CADPS2: variants seen among roughly 807,000 people sequenced by gnomAD.
The protein encoded by CADPS2 is calcium dependent secretion activator 2, also known as calcium-dependent secretion activator 2.
Under a neutral mutation model 172.5 loss-of-function variants are expected in CADPS2, and 93 were observed. That is an observed-to-expected ratio of 0.54 (90% CI 0.46 to 0.64). The LOEUF is 0.64. Ranked by LOEUF, CADPS2 falls within the 30% of genes least tolerant of loss-of-function variation. CADPS2 has a pLI of 0.00. For synonymous variants in CADPS2, 546 were observed against 555.2 expected, an observed-to-expected ratio of 0.98 and a Z score of 0.23; for missense variants, 1,420 against 1,565.9, an observed-to-expected ratio of 0.91 and a Z score of 1.57.
In CADPS2 at chr7:122,410,300, C is replaced by T. The variant is rs557700418; in HGVS notation, c.2590-2604G>A. On this transcript the variant is annotated intron_variant, in intron 19 of 29. Transcript: ENST00000449022. ...TGAAGGTTGCAGTAAGCCAAGATCG[C>T]GCCACTGCACTCCAGCCTGGGTGAC... Among the ~76,000 whole-genome samples, 8 of 151,896 alleles carry T rather than the reference C, an allele frequency of 5.3e-5. No individual in the cohort carries two copies. In the East Asian group the frequency reaches 1.4e-3, roughly 26 times the overall value.
intron 1 of CADPS2, among the ~76,000 whole-genome samples, chr7:122,824,075 T>C (rs1244352106): frequency 6.6e-6 from 1 of 152,230 alleles, no homozygotes; most frequent in Non-Finnish European, 1.5e-5. Flanking sequence ...AGTTAATGGC[T>C]TACTCTACAT....
chr7:122,373,938 A>G (rs529937051), intron 25 of CADPS2, among the ~76,000 whole-genome samples: 2 of 152,316 alleles, frequency 1.3e-5, no homozygotes, highest in African/African-American at 4.8e-5. Context: ...TACCAAAGCC[A>G]GACAAAAGAT....
intron 1 of CADPS2, among the ~76,000 whole-genome samples, chr7:122,752,200 CATT>C (rs2092980911): frequency 6.6e-6 from 1 of 152,140 alleles, no homozygotes; most frequent in South Asian, 2.1e-4. Context: ...CATTACCTAA[CATT>C]AGTTTCTTTC....
rs2092194956 is a variant in CADPS2, at chr7:122,736,943, CT to C, written c.453+11del. ...GCATCGGAAAGCCAAAAACAAAGCT[CT>C]TCAAACTTACCTCATAATAACTCCG... is the stretch of plus-strand genomic sequence containing the variant. On this transcript the variant is annotated intron_variant, in intron 2 of 29. Transcript: ENST00000449022. 2 of 1,454,398 alleles carry C rather than the reference CT, an allele frequency of 1.4e-6. No homozygotes were observed. Among genetic ancestry groups the C allele is most frequent in the Non-Finnish European group, 1.9e-6 (2 of 1,039,674 alleles). The allele number at this position is 1,454,398 out of a possible 1,614,324, so 90.1% of individuals were successfully genotyped here.
intron 11 of CADPS2, 74 bp from the exon 12 acceptor site, chr7:122,480,934 C>T: frequency 9.0e-7 from 1 of 1,112,008 alleles, no homozygotes; most frequent in South Asian, 2.1e-5. Flanking sequence ...TACAACTAGA[C>T]ATTTAATTTT....
chr7:122,577,927 G>A (rs1460031009), intron 7 of CADPS2, among the ~76,000 whole-genome samples: 5 of 151,578 alleles, frequency 3.3e-5, no homozygotes, highest in African/African-American at 7.3e-5. Flanking sequence ...AATGCTACCC[G>A]AATTTTTAAT....
At chr7:122,424,844 G>C in intron 17 of CADPS2, among the ~76,000 whole-genome samples, 1 of 151,520 alleles carries the variant, frequency 6.6e-6, no homozygotes, top group East Asian at 1.9e-4. Context: ...GAAGGCTTGA[G>C]GGAGAAGAAA....
chr7:122,719,996 A>T (rs1392304341), intron 2 of CADPS2, among the ~76,000 whole-genome samples: 1 of 152,118 alleles, frequency 6.6e-6, no homozygotes, highest in African/African-American at 2.4e-5. Flanking sequence ...TGGAAACTCT[A>T]ATTATTAAAA....
intron 24 of CADPS2, among the ~76,000 whole-genome samples, chr7:122,385,106 G>A (rs1196169993): frequency 6.6e-6 from 1 of 151,844 alleles, no homozygotes; most frequent in African/African-American, 2.4e-5. Flanking sequence ...CTTACATCTG[G>A]TTATTAAAAA....
rs148981672 is a variant in CADPS2, at chr7:122,512,052, C to T, written c.1542+1197G>A. Among the ~76,000 whole-genome samples, 634 of 152,052 alleles carry T rather than the reference C, an allele frequency of 4.2e-3. 7 individuals carry two copies. Among genetic ancestry groups the T allele is most frequent in the African/African-American group, 0.015 (605 of 41,478 alleles). ...TGTATCTTTTATTAAAGTTGACCAA[C>T]TATTAGTTCTAATCATGTAAGAAGA... On this transcript the variant is annotated intron_variant, in intron 9 of 29. Transcript: ENST00000449022.
chr7:122,462,144 A>C (rs1277634847), intron 14 of CADPS2, among the ~76,000 whole-genome samples: 1 of 152,220 alleles, frequency 6.6e-6, no homozygotes, highest in African/African-American at 2.4e-5. Context: ...CGAAGTACAA[A>C]ATAAGAAAGA....
At chr7:122,705,959 TATATA>T (rs1384034582) in intron 2 of CADPS2, among the ~76,000 whole-genome samples, 1 of 23,150 alleles carries the variant, frequency 4.3e-5, no homozygotes, top group African/African-American at 2.2e-4. Flanking sequence ...ATATAATATA[TATATA>T]ATATAATATA....
intron 14 of CADPS2, among the ~76,000 whole-genome samples, chr7:122,470,379 C>G (rs535041829): frequency 1.6e-4 from 25 of 151,886 alleles, no homozygotes; most frequent in African/African-American, 5.8e-4. Context: ...AGTTAACGGG[C>G]CATTAATGGA....
At chr7:122,522,456 T>G (rs1442020017) in intron 8 of CADPS2, among the ~76,000 whole-genome samples, 1 of 152,184 alleles carries the variant, frequency 6.6e-6, no homozygotes, top group Non-Finnish European at 1.5e-5. Flanking sequence ...GTATTTTACA[T>G]GTTTATGGGA....
At chr7:122,411,861 A>C (rs2151715024) in intron 19 of CADPS2, among the ~76,000 whole-genome samples, 1 of 152,352 alleles carries the variant, frequency 6.6e-6, no homozygotes, top group South Asian at 2.1e-4. Context: ...ACTAATCATA[A>C]GTTTTTTACA....
chr7:122,718,654 A>C (rs554634797), intron 2 of CADPS2, among the ~76,000 whole-genome samples: 1 of 152,236 alleles, frequency 6.6e-6, no homozygotes, highest in South Asian at 2.1e-4. Context: ...CAGGGAACTG[A>C]TCAAATGGGG....
intron 2 of CADPS2, among the ~76,000 whole-genome samples, chr7:122,697,207 A>C (rs1349377243): frequency 2.0e-5 from 3 of 151,974 alleles, no homozygotes; most frequent in Non-Finnish European, 2.9e-5. Flanking sequence ...GCATATCACA[A>C]AAAAAATGTA....
Position 122,541,761 on chromosome 7 carries a change from ATT to A in CADPS2, c.1475+12787_1475+12788del, listed in dbSNP as rs1491337249. Among the ~76,000 whole-genome samples, 26 of 145,306 alleles carry A rather than the reference ATT, an allele frequency of 1.8e-4. No individual in the cohort carries two copies. In the Admixed American group the frequency reaches 1.8e-3, roughly 10 times the overall value. Reference sequence around the variant, plus strand: ...TTCATATATTTACATATATTCATATATTTATATATTCACATATATTCATATAT... The same window carrying A: ...TTCATATATTTACATATATTCATATATATATATTCACATATATTCATATAT... On this transcript the variant is annotated intron_variant, in intron 8 of 29. Transcript: ENST00000449022.
chr7:122,498,766 A>AT (rs1449231614), intron 9 of CADPS2, among the ~76,000 whole-genome samples: 1 of 151,928 alleles, frequency 6.6e-6, no homozygotes, highest in Non-Finnish European at 1.5e-5. Context: ...ATTGTTTTTT[A>AT]TTATATTTTT....
Sources: allele counts gnomAD v4.1 joint callset (sites outside exome capture counted in the v4.1 genomes callset), GRCh38; gene constraint gnomAD v4.1.1; transcripts MANE v1.5; gene names NCBI Gene and HGNC (gene_info 2026-07-23, HGNC 2026-07-21).